GPC5: variants seen among roughly 807,000 people sequenced by gnomAD.
GPC5 encodes the protein glypican-5.
Under a neutral mutation model 53.9 loss-of-function variants are expected in GPC5, and 47 were observed. That is an observed-to-expected ratio of 0.87 (90% CI 0.69 to 1.11). The LOEUF (loss-of-function observed/expected upper bound fraction) is 1.11, where lower values mean the gene tolerates loss of function less well. Among genes scored for constraint, GPC5 ranks in the 50% most tolerant of loss-of-function variants. The pLI is 0.00. For missense variants in GPC5, 748 were observed against 713.1 expected (o/e 1.05, Z -0.56); for synonymous variants, 286 against 263.3 (o/e 1.09, Z -0.84).
intron 7 of GPC5, among the ~76,000 whole-genome samples, chr13:92,762,043 GA>G (rs912441438): frequency 1.3e-4 from 18 of 141,822 alleles, no homozygotes; most frequent in East Asian, 8.3e-4. Context: ...CCTTCAAATA[GA>G]AAAAAAAAAG....
rs1877772472 is a variant in GPC5, at chr13:92,445,466, T to TC, written c.1561+300483dup. 3.6e-5 allele frequency among the ~76,000 whole-genome samples: 3 copies of TC among 83,330 alleles called. No homozygotes were observed. The South Asian group carries it at 1.6e-3, about 43-fold the overall frequency. 54.7% of individuals were successfully genotyped at this position (83,330 alleles called of 152,430 possible). A position where few individuals can be genotyped will look rare whatever the true frequency, so the allele number is the denominator to read the frequency against. On this transcript the variant is annotated intron_variant, in intron 7 of 7. Transcript: ENST00000377067. ...ATCTCCTAAAGCTATCCCTCCTCCC[T>TC]CCCCCCACCCCACAACAGTCCCCAG...
intron 7 of GPC5, among the ~76,000 whole-genome samples, chr13:92,215,731 C>G (rs2042404966): frequency 6.6e-6 from 1 of 152,196 alleles, no homozygotes; most frequent in Non-Finnish European, 1.5e-5. Context: ...CTCTAATGTG[C>G]TCTCTAGAAA....
intron 2 of GPC5, among the ~76,000 whole-genome samples, chr13:91,564,230 T>A (rs972596215): frequency 6.6e-6 from 1 of 152,124 alleles, no homozygotes; most frequent in Non-Finnish European, 1.5e-5. Context: ...TAGGAGAAGA[T>A]TTTCTCTTTA....
chr13:92,477,390 G>T (rs1431051234), intron 7 of GPC5, among the ~76,000 whole-genome samples: 1 of 152,108 alleles, frequency 6.6e-6, no homozygotes, highest in African/African-American at 2.4e-5. Flanking sequence ...CTGATAGTGG[G>T]TGTAGATATT....
intron 7 of GPC5, among the ~76,000 whole-genome samples, chr13:92,468,429 G>A (rs9556178): frequency 0.3 from 45,050 of 151,900 alleles, 7,234 homozygotes; most frequent in East Asian, 0.42. Context: ...ACAGTAACTT[G>A]TCTTTTCATT....
At position 92,840,078 on chromosome 13, in the gene GPC5, C is replaced by CATATAT. The variant is rs4001881; in HGVS notation, c.1562-26163_1562-26158dup. Among the ~76,000 whole-genome samples the CATATAT allele has an allele frequency of 3.7e-3, 364 of 98,764 alleles. 1 individual carries two copies. Among genetic ancestry groups the CATATAT allele is most frequent in the Non-Finnish European group, 4.8e-3 (233 of 48,612 alleles). 64.8% of individuals were successfully genotyped at this position (98,764 alleles called of 152,430 possible). On this transcript the variant is annotated intron_variant, in intron 7 of 7. Coordinates refer to ENST00000377067, the MANE Select transcript of GPC5 (RefSeq NM_004466.6). ...TGCTTTTATTCTTCATATATACATA[C>CATATAT]ATATATATATATATATATATATATA...
intron 5 of GPC5, among the ~76,000 whole-genome samples, chr13:91,818,320 G>C (rs993278054): frequency 6.6e-5 from 10 of 152,088 alleles, no homozygotes; most frequent in African/African-American, 2.4e-4. Flanking sequence ...ATCAGACTGG[G>C]ACAAATATTT....
At chr13:91,673,331 T>C (rs181909580) in intron 2 of GPC5, among the ~76,000 whole-genome samples, 1 of 152,258 alleles carries the variant, frequency 6.6e-6, no homozygotes, top group Admixed American at 6.5e-5. Context: ...CTAAAGGAAT[T>C]ATATATAACA....
At chr13:92,578,554 A>G (rs1275727931) in intron 7 of GPC5, among the ~76,000 whole-genome samples, 2 of 152,160 alleles carry the variant, frequency 1.3e-5, no homozygotes, top group African/African-American at 4.8e-5. Flanking sequence ...CTGAGTCCAA[A>G]GGCCTGAGAA....
intron 2 of GPC5, among the ~76,000 whole-genome samples, chr13:91,537,095 GA>G (rs534570935): frequency 6.6e-6 from 1 of 151,712 alleles, no homozygotes; most frequent in African/African-American, 2.4e-5. Context: ...CATTATGAAA[GA>G]AAAAAAGGTT....
intron 2 of GPC5, among the ~76,000 whole-genome samples, chr13:91,524,802 A>G (rs1886009746): frequency 6.6e-6 from 1 of 152,202 alleles, no homozygotes; most frequent in Non-Finnish European, 1.5e-5. Flanking sequence ...GGTATCCTGT[A>G]CTTTGTAAGA....
intron 7 of GPC5, among the ~76,000 whole-genome samples, chr13:92,401,269 T>C (rs540477827): frequency 1.8e-4 from 27 of 152,050 alleles, no homozygotes; most frequent in African/African-American, 6.5e-4. Flanking sequence ...ATGATAGAAG[T>C]CTTTATATCT....
At chr13:91,728,740 C>A in intron 4 of GPC5, 75 bp downstream of exon 4, 62 of 1,230,788 alleles carry the variant, frequency 5.0e-5, no homozygotes, top group Admixed American at 8.2e-5. Flanking sequence ...AGAACATATT[C>A]AATTAAATCG....
At chr13:92,465,632 A>G (rs1010699731) in intron 7 of GPC5, among the ~76,000 whole-genome samples, 1 of 152,046 alleles carries the variant, frequency 6.6e-6, no homozygotes, top group Non-Finnish European at 1.5e-5. Flanking sequence ...TCATTTCCAC[A>G]TGGATTGAAT....
intron 7 of GPC5, among the ~76,000 whole-genome samples, chr13:92,643,405 C>T (rs562764063): frequency 3.3e-5 from 5 of 151,188 alleles, no homozygotes; most frequent in African/African-American, 1.2e-4. Flanking sequence ...ATAAATCATG[C>T]TGCTATAAAG....
At chr13:91,890,380 C>T (rs1162602796) in intron 5 of GPC5, among the ~76,000 whole-genome samples, 1 of 152,158 alleles carries the variant, frequency 6.6e-6, no homozygotes. Flanking sequence ...CAAGATCTTT[C>T]CCTAAAAGTG....
chr13:92,031,448 G>A (rs755396097), intron 6 of GPC5, among the ~76,000 whole-genome samples: 7 of 151,456 alleles, frequency 4.6e-5, no homozygotes, highest in Admixed American at 6.6e-5. Flanking sequence ...AGTTCTTTAA[G>A]GAATCTTCAC....
In GPC5 at chr13:92,324,579, G is replaced by C. The variant is rs144718125; in HGVS notation, c.1561+179590G>C. ...AACGATAAAATACTTTAAATGTCTG[G>C]CTGGCATAATAAATAACTGAAAGTC... On this transcript the variant is annotated intron_variant, in intron 7 of 7. Transcript: ENST00000377067. 4.3e-3 allele frequency among the ~76,000 whole-genome samples: 646 copies of C among 151,796 alleles called. 1 individual carries two copies. Among genetic ancestry groups the C allele is most frequent in the Non-Finnish European group, 5.3e-3 (360 of 67,800 alleles).
rs578002854 is a variant in GPC5, at chr13:91,742,205, G to T, written c.1154+13540G>T. Among the ~76,000 whole-genome samples the T allele has an allele frequency of 1.6e-4, 24 of 152,146 alleles. 1 individual carries two copies. The South Asian group carries it at 4.8e-3, about 30-fold the overall frequency. On this transcript the variant is annotated intron_variant, in intron 4 of 7. Coordinates refer to ENST00000377067, the MANE Select transcript of GPC5 (RefSeq NM_004466.6). ...ACCTGCAGGGGGTCAAACTACAGGC[G>T]CACAGGAAAAGCAAATGCCAGAAGG...
Sources: gnomAD v4.1 joint callset for allele counts (sites outside exome capture counted in the v4.1 genomes callset) on GRCh38, gnomAD v4.1.1 for gene constraint, MANE v1.5 for transcripts, NCBI Gene and HGNC (gene_info 2026-07-23, HGNC 2026-07-21) for gene names.